The following OR2L13 variants were observed in gnomAD, a reference collection of about 807,000 sequenced individuals.
OR2L13 encodes the protein olfactory receptor 2L13.
In OR2L13, 14 loss-of-function variants were observed where a neutral mutation model predicts 15.3. The observed-to-expected ratio is 0.91, with a 90% CI of 0.60 to 1.43. The LOEUF is 1.43. OR2L13 is among the 40% of genes most tolerant of loss of function. The probability of loss-of-function intolerance (pLI) is 0.00; values close to 1 mark genes in which losing one functional copy is unlikely to be tolerated. For missense variants in OR2L13, 367 were observed against 387.9 expected (o/e 0.95, Z 0.45); for synonymous variants, 152 against 142.9 (o/e 1.06, Z -0.45).
At chr1:247,991,113 A>G in the OR2L13 span, 1 of 1,605,970 alleles carries the variant, frequency 6.2e-7, no homozygotes, top group East Asian at 2.2e-5. Context: ...TCCTCACTCC[A>G]ATGCTCAACC....
chr1:248,000,097 T>C, the OR2L13 span, among the ~76,000 whole-genome samples: 3 of 150,564 alleles, frequency 2.0e-5, no homozygotes, highest in South Asian at 2.1e-4. Flanking sequence ...TCCTAGCTTT[T>C]TCTTTTTCTT....
the OR2L13 span, among the ~76,000 whole-genome samples, chr1:247,948,185 C>A: frequency 6.6e-6 from 1 of 151,676 alleles, no homozygotes; most frequent in East Asian, 1.9e-4. Flanking sequence ...TGCACTCCAG[C>A]CTGGGTAACA....
the OR2L13 span, among the ~76,000 whole-genome samples, chr1:247,943,019 C>T: frequency 6.6e-6 from 1 of 152,068 alleles, no homozygotes; most frequent in African/African-American, 2.4e-5. Context: ...ATAATATATT[C>T]GAGGTTCATC....
the OR2L13 span, among the ~76,000 whole-genome samples, chr1:247,993,199 T>C: frequency 6.6e-6 from 1 of 152,204 alleles, no homozygotes; most frequent in African/African-American, 2.4e-5. Flanking sequence ...TCGTTGTTCA[T>C]GTAACTTCTG....
the OR2L13 span, chr1:248,003,737 A>G: frequency 2.5e-6 from 4 of 1,613,688 alleles, no homozygotes; most frequent in South Asian, 1.1e-5. Flanking sequence ...TTTGAGTGCC[A>G]CCATCTTTCT....
At chr1:247,955,470 G>A in the OR2L13 span, among the ~76,000 whole-genome samples, 451 of 151,950 alleles carry the variant, frequency 3.0e-3, 1 homozygote, top group Non-Finnish European at 5.1e-3. Context: ...ACCCAGTAAT[G>A]CGATGGCTGG....
the OR2L13 span, among the ~76,000 whole-genome samples, chr1:248,017,674 T>C: frequency 6.6e-6 from 1 of 152,130 alleles, no homozygotes; most frequent in Admixed American, 6.5e-5. Flanking sequence ...GTCCAGTGAT[T>C]TTCTTCTGAT....
At chr1:247,965,726 T>A in the OR2L13 span, 1 of 1,559,146 alleles carries the variant, frequency 6.4e-7, no homozygotes, top group East Asian at 2.2e-5. Context: ...CTCCTTGGTT[T>A]TATGTCTTAT....
At chr1:247,942,806 C>G in the OR2L13 span, among the ~76,000 whole-genome samples, 1 of 152,092 alleles carries the variant, frequency 6.6e-6, no homozygotes, top group Admixed American at 6.6e-5. Context: ...GCAATCATCC[C>G]TATCGTGCAT....
chr1:248,030,703 G>A, the OR2L13 span, among the ~76,000 whole-genome samples: 13 of 152,074 alleles, frequency 8.5e-5, no homozygotes, highest in African/African-American at 1.4e-4. Flanking sequence ...AGAGAAGTTC[G>A]CTTACAAACT....
chr1:248,092,678 A>G (rs1478161224), upstream of OR2L13, among the ~76,000 whole-genome samples: 1 of 152,222 alleles, frequency 6.6e-6, no homozygotes, highest in Non-Finnish European at 1.5e-5. Flanking sequence ...TCACTAAGAA[A>G]TTGTAAAGAA....
the OR2L13 span, chr1:248,022,071 C>A: frequency 1.9e-6 from 3 of 1,613,820 alleles, no homozygotes; most frequent in African/African-American, 4.0e-5. Context: ...AATTGGAAAC[C>A]TATCCATGAT....
the OR2L13 span, among the ~76,000 whole-genome samples, chr1:247,962,536 G>A: frequency 6.6e-6 from 1 of 152,170 alleles, no homozygotes; most frequent in African/African-American, 2.4e-5. Context: ...GTATTGAATG[G>A]TTTATCCCTA....
the OR2L13 span, chr1:247,939,363 A>G: frequency 6.6e-6 from 1 of 152,224 alleles, no homozygotes. Context: ...AGATGAAATT[A>G]TCACAGGCAT....
At chr1:248,075,870 A>AT in the OR2L13 span, among the ~76,000 whole-genome samples, 616 of 152,270 alleles carry the variant, frequency 4.0e-3, 8 homozygotes, top group African/African-American at 0.014. Flanking sequence ...CCATTTGTCA[A>AT]TTTTGGCTTT....
chr1:247,993,760 GGGGAGA>G, the OR2L13 span, among the ~76,000 whole-genome samples: 8,334 of 53,264 alleles, frequency 0.16, 672 homozygotes, highest in East Asian at 0.18. Flanking sequence ...ACAGAGAGAG[GGGGAGA>G]GAGAGAGAGA....
the OR2L13 span, among the ~76,000 whole-genome samples, chr1:247,973,158 A>G: frequency 1.1e-4 from 16 of 152,166 alleles, no homozygotes; most frequent in African/African-American, 3.9e-4. Flanking sequence ...TGACAAACAC[A>G]TACCCAATGT....
At chr1:248,043,751 CACAG>C in the OR2L13 span, among the ~76,000 whole-genome samples, 1 of 152,210 alleles carries the variant, frequency 6.6e-6, no homozygotes, top group South Asian at 2.1e-4. Flanking sequence ...ACAGCTACTC[CACAG>C]ACAGAGTAGG....
At chr1:248,009,120 TAAAAG>T in the OR2L13 span, among the ~76,000 whole-genome samples, 4 of 151,438 alleles carry the variant, frequency 2.6e-5, no homozygotes, top group Admixed American at 6.6e-5. Context: ...ACATCACAAT[TAAAAG>T]AAAAAGAGAA....
Sources: gnomAD v4.1 joint callset for allele counts (sites outside exome capture counted in the v4.1 genomes callset) on GRCh38, gnomAD v4.1.1 for gene constraint, MANE v1.5 for transcripts, NCBI Gene and HGNC (gene_info 2026-07-23, HGNC 2026-07-21) for gene names.